The following EXOC3L4 variants were observed in gnomAD, a reference collection of about 807,000 sequenced individuals.
EXOC3L4 encodes the protein exocyst complex component 3 like 4.
In EXOC3L4, 62 loss-of-function variants were observed where a neutral mutation model predicts 69.7. That is an observed-to-expected ratio of 0.89 (90% confidence interval 0.72 to 1.10). The LOEUF (loss-of-function observed/expected upper bound fraction) is 1.10. EXOC3L4 is among the 50% of genes least tolerant of loss of function. The pLI is 0.00. For synonymous variants in EXOC3L4, 502 were observed against 464.2 expected (o/e 1.08, Z -1.05); for missense variants, 1,087 against 1,034.8 (o/e 1.05, Z -0.69).
rs10142287 is a variant in EXOC3L4 at position 103,102,410 on chromosome 14, C to T, written c.687C>T (p.Pro229=). Residue 229 remains proline (P), a synonymous_variant, in exon 3 of 12, where the codon CCC becomes CCT. Transcript: ENST00000688303. ...SAEEEAHPSP[P]DDGDFLRTPR... ...AGGAGGAAGCCCACCCTTCTCCCCC[C>T]GACGACGGCGACTTCCTGCGCACGC... 1 of 1,532,932 alleles carries T rather than the reference C, an allele frequency of 6.5e-7. No individual in the cohort carries two copies. The highest frequency in any genetic ancestry group is 1.2e-5 in the South Asian group (1 of 83,756). 95.0% of individuals were successfully genotyped at this position (1,532,932 alleles called of 1,614,324 possible).
At chr14:103,106,527 T>A (rs560585869) in intron 7 of EXOC3L4, among the ~76,000 whole-genome samples, 3 of 152,162 alleles carry the variant, frequency 2.0e-5, no homozygotes, top group Non-Finnish European at 4.4e-5. Context: ...GCACTGTTTA[T>A]CACCAAGAGG....
chr14:103,108,591 C>G lies in EXOC3L4; in HGVS notation c.1976+74C>G, dbSNP rs1375357145. On this transcript the variant is annotated intron_variant, in intron 11 of 11. Transcript: ENST00000688303. ...CAAGGGGGCTGGTATTGGAGCAACC[C>G]CAGCCCAGACCTGACTGCCCAGGGG... 2.6e-6 allele frequency: 4 copies of G among 1,560,510 alleles called. No homozygotes were observed. In the African/African-American group the frequency reaches 4.1e-5, roughly 16 times the overall value.
chr14:103,102,856 G>A (rs1890289098), intron 3 of EXOC3L4, 84 bp downstream of exon 3: 2 of 1,238,058 alleles, frequency 1.6e-6, no homozygotes, highest in Non-Finnish European at 2.1e-6. Flanking sequence ...GAGGAGCACC[G>A]GACCTTTCTT....
rs772963117 is a variant in EXOC3L4 at position 103,110,048 on chromosome 14, C to A, written c.1994C>A (p.Ala665Asp). 3.4e-5 allele frequency: 54 copies of A among 1,597,358 alleles called. No individual in the cohort carries two copies. Among genetic ancestry groups the A allele is most frequent in the Non-Finnish European group, 6.0e-6 (7 of 1,172,772 alleles). ...YPDIRRDHIL[A>D]ILALRRLGRQ... ...CTCTGCAGGCGGGACCACATACTGG[C>A]CATTCTGGCGCTGCGCCGACTGGGC... The change falls in exon 12 of 12, where the codon GCC becomes GAC. Residue 665 changes from alanine to aspartate, a missense_variant. Coordinates refer to ENST00000688303, the MANE Select transcript of EXOC3L4 (RefSeq NM_001077594.2).
At chr14:103,106,718 T>C (rs1890570325) in intron 7 of EXOC3L4, 67 bp from the exon 8 acceptor site, 1 of 956,158 alleles carries the variant, frequency 1.0e-6, no homozygotes, top group African/African-American at 1.7e-5. Flanking sequence ...TGGAGCTGTG[T>C]GCCCGGCTCT....
At chr14:103,094,458 G>A (rs1251530197), upstream of EXOC3L4, among the ~76,000 whole-genome samples, 1 of 152,176 alleles carries the variant, frequency 6.6e-6, no homozygotes, top group Non-Finnish European at 1.5e-5. Flanking sequence ...GGTTGGTGGT[G>A]TTTTGGGTGG....
intron 1 of EXOC3L4, among the ~76,000 whole-genome samples, chr14:103,096,926 G>A (rs536146597): frequency 2.6e-5 from 4 of 152,340 alleles, no homozygotes; most frequent in South Asian, 2.1e-4. Flanking sequence ...GACAAGCCCC[G>A]CACAGGGCTT....
Position 103,102,495 on chromosome 14 carries a change from C to T in EXOC3L4, c.772C>T (p.Arg258Trp). Residue 258 changes from arginine (R) to tryptophan (W), a missense_variant, in exon 3 of 12, where the codon CGG becomes TGG. Arg to Trp is a moderately radical substitution (Grantham distance 101). Transcript: ENST00000688303. ...GCGGCGAAGCGCTCAGGAGCGCGTG[C>T]GGCGGCCGGGCGCGGGGTGGGCCTT... is the stretch of plus-strand genomic sequence containing the variant. ...AVRRSAQERV[R>W]RPGAGWAFGE... 7.2e-7 allele frequency: 1 copy of T among 1,383,138 alleles called. No individual in the cohort carries two copies. 85.7% of individuals were successfully genotyped at this position (1,383,138 alleles called of 1,614,324 possible).
rs1179927651 is a variant in EXOC3L4, at chr14:103,098,600, CCT to C, written c.-16-1602_-16-1601del. 3 of 152,284 alleles carry C rather than the reference CCT, an allele frequency of 2.0e-5. No individual in the cohort carries two copies. The East Asian group carries it at 5.8e-4, about 29-fold the overall frequency. 9.4% of individuals were successfully genotyped at this position (152,284 alleles called of 1,614,324 possible). On this transcript the variant is annotated intron_variant, in intron 1 of 11. Coordinates refer to ENST00000688303, the MANE Select transcript of EXOC3L4 (RefSeq NM_001077594.2). ...TGGCTTGTCCTTCCCCACATCCCCG[CCT>C]CCGTCCTCTTGACAGCGGTGGATGC...
At chr14:103,106,128 G>A (rs752784639) in intron 7 of EXOC3L4, among the ~76,000 whole-genome samples, 2 of 152,268 alleles carry the variant, frequency 1.3e-5, no homozygotes, top group Non-Finnish European at 2.9e-5. Context: ...ACGCACAGGT[G>A]CAGAGCACAG....
rs1312846599 is a variant in EXOC3L4 at position 103,104,139 on chromosome 14, A to T, written c.1161+87A>T. ...TGCGGCGCCCAGGCTATCGGCGGCC[A>T]GAGCTGGCTCTGGTTCACCCTGTGG... On this transcript the variant is annotated intron_variant, in intron 4 of 11. Transcript: ENST00000688303. 5.5e-6 allele frequency: 8 copies of T among 1,447,284 alleles called. No homozygotes were observed. In the Admixed American group the frequency reaches 1.9e-4, roughly 34 times the overall value. The allele number at this position is 1,447,284 out of a possible 1,614,324, so 89.7% of individuals were successfully genotyped here. A position where few individuals can be genotyped will look rare whatever the true frequency, so the allele number is the denominator to read the frequency against.
chr14:103,102,690 C>A lies in EXOC3L4; in HGVS notation c.967C>A (p.Arg323Ser), dbSNP rs752571642. 18 of 1,478,318 alleles carry A rather than the reference C, an allele frequency of 1.2e-5. No individual in the cohort carries two copies. The East Asian group carries it at 4.6e-4, about 38-fold the overall frequency. 91.6% of individuals were successfully genotyped at this position (1,478,318 alleles called of 1,614,324 possible). A position where few individuals can be genotyped will look rare whatever the true frequency, so the allele number is the denominator to read the frequency against. ...LRAFHSAVAQRLQELARDARG... is the reference protein window; with the variant it reads ...LRAFHSAVAQSLQELARDARG... ...TGCCTTCCACAGCGCCGTGGCCCAG[C>A]GCCTCCAGGAGCTCGCGCGCGACGC... The change falls in exon 3 of 12, where the codon CGC becomes AGC. Residue 323 changes from arginine to serine, a missense_variant. Transcript: ENST00000688303.
Position 103,102,355 on chromosome 14 carries a change from T to C in EXOC3L4, c.632T>C (p.Leu211Pro). The change falls in exon 3 of 12, where the codon CTG (leucine) becomes CCG (proline). Residue 211 changes from leucine (L) to proline (P), a missense_variant. Physicochemically the swap from Leu to Pro is moderately conservative, Grantham distance 98 (BLOSUM62 -3). Transcript: ENST00000688303. ...LDSDGVDAAA[L>P]AELARVVSAE... ...AGCGACGGTGTGGACGCGGCCGCGC[T>C]GGCCGAGCTGGCCCGCGTGGTGAGC... The C allele has an allele frequency of 1.3e-6, 2 of 1,560,194 alleles. No homozygotes were observed. The highest frequency in any genetic ancestry group is 1.7e-6 in the Non-Finnish European group (2 of 1,159,610).
Position 103,100,269 on chromosome 14 carries a change from A to G in EXOC3L4, c.50A>G (p.Lys17Arg). ...DTPGPELQSPKEAEEPQTPAQ... is the reference protein window; with the variant it reads ...DTPGPELQSPREAEEPQTPAQ... The stretch of plus-strand genomic sequence containing the variant: ...CCTGGGCCGGAGCTGCAGAGTCCCA[A>G]GGAGGCTGAGGAGCCACAGACTCCA... Residue 17 changes from lysine (K) to arginine (R), a missense_variant, in exon 2 of 12, where the codon AAG (lysine) becomes AGG (arginine). Physicochemically the swap from Lys to Arg is conservative, Grantham distance 26. Coordinates refer to ENST00000688303, the MANE Select transcript of EXOC3L4 (RefSeq NM_001077594.2). 1.3e-6 allele frequency: 2 copies of G among 1,577,138 alleles called. No homozygotes were observed. Among genetic ancestry groups the G allele is most frequent in the Non-Finnish European group, 1.7e-6 (2 of 1,160,638 alleles).
At chr14:103,098,045 G>A (rs1050249565) in intron 1 of EXOC3L4, among the ~76,000 whole-genome samples, 1 of 152,144 alleles carries the variant, frequency 6.6e-6, no homozygotes, top group African/African-American at 2.4e-5. Flanking sequence ...TTGGGAAGCT[G>A]TTGGGAGCTG....
chr14:103,097,950 G>A lies in EXOC3L4; in HGVS notation c.-16-2254G>A, dbSNP rs535009258. On this transcript the variant is annotated intron_variant, in intron 1 of 11. Transcript: ENST00000688303. The surrounding 1 kb of genome is among the most constrained non-coding windows in gnomAD (Gnocchi z 4.9). ...TTCCAGGATGGATGCCCGGCTGTGG[G>A]GCTCGGGCAGGAGGGAACCATGGAA... Among the ~76,000 whole-genome samples the A allele has an allele frequency of 6.6e-6, 1 of 152,096 alleles. No individual in the cohort carries two copies. The highest frequency in any genetic ancestry group is 1.5e-5 in the Non-Finnish European group (1 of 68,010).
At chr14:103,108,250 G>A in intron 10 of EXOC3L4, 146 bp from the exon 11 acceptor site, 1 of 1,251,608 alleles carries the variant, frequency 8.0e-7, no homozygotes, top group Non-Finnish European at 1.1e-6. Context: ...TGTTTTGGGG[G>A]AGGCAGTCCC....
chr14:103,110,233 G>A lies in EXOC3L4; in HGVS notation c.*10G>A. The A allele has an allele frequency of 1.3e-6, 2 of 1,498,970 alleles. No homozygotes were observed. Among genetic ancestry groups the A allele is most frequent in the Non-Finnish European group, 1.8e-6 (2 of 1,123,340 alleles). The allele number at this position is 1,498,970 out of a possible 1,614,324, so 92.9% of individuals were successfully genotyped here. ...GATCACCTGCGTCTAGTTCTCTCTG[G>A]CTCGAGGGGGGGCCGGCCGCTGGCA... On this transcript the variant is annotated 3_prime_UTR_variant, in exon 12 of 12. Coordinates refer to ENST00000688303, the MANE Select transcript of EXOC3L4 (RefSeq NM_001077594.2).
chr14:103,096,401 C>CTTTTTTTTTTATT (rs1889887738), intron 1 of EXOC3L4, among the ~76,000 whole-genome samples: 1 of 131,912 alleles, frequency 7.6e-6, no homozygotes, highest in Non-Finnish European at 1.6e-5. Flanking sequence ...TGGCAAGATT[C>CTTTTTTTTTTATT]TTTTTTTTTT....
Sources: gnomAD v4.1 joint callset for allele counts (sites outside exome capture counted in the v4.1 genomes callset) on GRCh38, gnomAD v4.1.1 for gene constraint, Gnocchi (gnomAD v3.1) non-coding constraint, MANE v1.5 for transcripts, NCBI Gene and HGNC (gene_info 2026-07-23, HGNC 2026-07-21) for gene names.